The following CDH23 variants were observed in gnomAD, a reference collection of about 807,000 sequenced individuals.
The protein encoded by CDH23 is cadherin related 23.
Under a neutral mutation model 317.1 loss-of-function variants are expected in CDH23, and 189 were observed. That is an observed-to-expected ratio of 0.60 (90% CI 0.53 to 0.67). CDH23 has a LOEUF of 0.67. Ranked by LOEUF, CDH23 falls within the 30% of genes least tolerant of loss-of-function variation. The pLI, the probability that CDH23 is intolerant of heterozygous loss-of-function variation, is 0.00. For synonymous variants in CDH23, 1,839 were observed against 1,876.8 expected (o/e 0.98, Z 0.52); for missense variants, 4,401 against 4,592.4 (o/e 0.96, Z 1.20).
intron 3 of CDH23, among the ~76,000 whole-genome samples, chr10:71,480,697 C>T (rs991015692): frequency 1.1e-4 from 16 of 152,126 alleles, no homozygotes; most frequent in South Asian, 4.1e-4. Context: ...GGTGAGGAAA[C>T]AGATGGGGTC....
chr10:71,726,856 C>T (rs1866834536), intron 30 of CDH23, among the ~76,000 whole-genome samples: 1 of 152,212 alleles, frequency 6.6e-6, no homozygotes, highest in Non-Finnish European at 1.5e-5. Context: ...GTGGTGGGCT[C>T]CTGCCTCCTC....
At chr10:71,513,773 A>G (rs1854123705) in intron 6 of CDH23, among the ~76,000 whole-genome samples, 1 of 152,182 alleles carries the variant, frequency 6.6e-6, no homozygotes. Context: ...AGCCCCTTCC[A>G]GGGCTGACAT....
At chr10:71,656,752 CAGGTGAAAGACCCTG>C (rs1863434131) in intron 14 of CDH23, among the ~76,000 whole-genome samples, 1 of 152,110 alleles carries the variant, frequency 6.6e-6, no homozygotes, top group Non-Finnish European at 1.5e-5. Context: ...GTGAGGGATG[CAGGTGAAAGACCCTG>C]AGCAACAGCC....
Position 71,797,095 on chromosome 10 carries a change from G to C in CDH23, c.6713-9G>C, listed in dbSNP as rs1164441593. 9 of 1,594,304 alleles carry C rather than the reference G, an allele frequency of 5.6e-6. No individual in the cohort carries two copies. Among genetic ancestry groups the C allele is most frequent in the South Asian group, 2.2e-5 (2 of 89,932 alleles). ...TCTCAGGCTGAACCTGGCCTGGTCT[G>C]GTCCACAGGATCTGTAATGGTGAAG... On this transcript the variant is annotated splice_polypyrimidine_tract_variant and intron_variant, in intron 48 of 69. Transcript: ENST00000224721.
intron 1 of CDH23, among the ~76,000 whole-genome samples, chr10:71,411,947 A>G (rs750276661): frequency 1.3e-5 from 2 of 152,204 alleles, no homozygotes; most frequent in Non-Finnish European, 2.9e-5. Flanking sequence ...TACTGTACCC[A>G]TTAAACAGTA....
At chr10:71,533,628 G>C (rs1426888611) in intron 6 of CDH23, among the ~76,000 whole-genome samples, 1 of 151,622 alleles carries the variant, frequency 6.6e-6, no homozygotes, top group Admixed American at 6.6e-5. Context: ...TAAAAGCGTA[G>C]GTGATTAGAG....
chr10:71,770,290 G>A (rs1023671879), intron 38 of CDH23, among the ~76,000 whole-genome samples: 1 of 152,206 alleles, frequency 6.6e-6, no homozygotes, highest in Non-Finnish European at 1.5e-5. Context: ...CAAGGGAGGT[G>A]GTATCATCTT....
intron 7 of CDH23, among the ~76,000 whole-genome samples, chr10:71,569,940 A>G (rs1017890375): frequency 5.9e-5 from 9 of 151,876 alleles, no homozygotes; most frequent in Admixed American, 5.9e-4. Context: ...TCCAGGCTGG[A>G]GTGCAGTGGC....
At chr10:71,553,710 T>C (rs1167451447) in intron 6 of CDH23, among the ~76,000 whole-genome samples, 1 of 152,224 alleles carries the variant, frequency 6.6e-6, no homozygotes, top group Non-Finnish European at 1.5e-5. Context: ...CCTGAGGAGA[T>C]TTGCATATTC....
At chr10:71,402,168 G>A (rs984134879) in intron 1 of CDH23, among the ~76,000 whole-genome samples, 2 of 152,182 alleles carry the variant, frequency 1.3e-5, no homozygotes, top group African/African-American at 2.4e-5. Flanking sequence ...GTGTCACCTC[G>A]ATAATAAATG....
At chr10:71,730,679 GA>G in intron 31 of CDH23, 75 bp downstream of exon 31, 1 of 1,579,934 alleles carries the variant, frequency 6.3e-7, no homozygotes, top group Non-Finnish European at 8.6e-7. Flanking sequence ...CCCCTCCTTC[GA>G]AACGGTCATC....
chr10:71,458,570 A>G (rs1171889147), intron 3 of CDH23, among the ~76,000 whole-genome samples: 3 of 152,204 alleles, frequency 2.0e-5, no homozygotes, highest in Non-Finnish European at 4.4e-5. Flanking sequence ...TTATTGAGCA[A>G]TTCATCTTTA....
chr10:71,670,748 G>T (rs1864109965), intron 14 of CDH23, among the ~76,000 whole-genome samples: 1 of 152,206 alleles, frequency 6.6e-6, no homozygotes, highest in Admixed American at 6.5e-5. Context: ...ATTTTGGGCA[G>T]AGAAGGACAA....
intron 3 of CDH23, among the ~76,000 whole-genome samples, chr10:71,455,584 C>T (rs1264856754): frequency 6.6e-6 from 1 of 152,044 alleles, no homozygotes; most frequent in African/African-American, 2.4e-5. Flanking sequence ...ACAGAAGAGA[C>T]AAAAATCCCT....
In CDH23 at chr10:71,784,410, T is replaced by C. The variant is rs1462887997; in HGVS notation, c.5492T>C (p.Leu1831Pro). The C allele has an allele frequency of 4.3e-6, 7 of 1,613,306 alleles. No individual in the cohort carries two copies. Among genetic ancestry groups the C allele is most frequent in the Non-Finnish European group, 5.9e-6 (7 of 1,179,486 alleles). Residue 1831 changes from leucine to proline, a missense_variant, in exon 42 of 70, where the codon CTC (leucine) becomes CCC (proline). Coordinates refer to ENST00000224721, the MANE Select transcript of CDH23 (RefSeq NM_022124.6). The stretch of plus-strand genomic sequence containing the variant: ...GCCCGTGACCGGGGGATGCCCCCAC[T>C]CAGCTCCACAGTGAGTCTGGGGGCC... ...ICARDRGMPP[L>P]SSTMLVGIRV... is the part of the protein sequence containing the mutation.
At chr10:71,606,924 C>G in intron 9 of CDH23, among the ~76,000 whole-genome samples, 1 of 152,230 alleles carries the variant, frequency 6.6e-6, no homozygotes, top group East Asian at 1.9e-4. Flanking sequence ...AGCAGACTCT[C>G]GGCAGGCTGG....
intron 6 of CDH23, among the ~76,000 whole-genome samples, chr10:71,525,194 A>G (rs934764434): frequency 6.6e-6 from 1 of 152,252 alleles, no homozygotes; most frequent in Non-Finnish European, 1.5e-5. Context: ...GGCGTGAGCC[A>G]CTGTGCCCGG....
intron 3 of CDH23, among the ~76,000 whole-genome samples, chr10:71,478,489 C>G (rs1041809317): frequency 6.6e-6 from 1 of 152,218 alleles, no homozygotes; most frequent in Non-Finnish European, 1.5e-5. Context: ...AGGGAGTTGT[C>G]CCCCTCGGTT....
intron 14 of CDH23, among the ~76,000 whole-genome samples, chr10:71,666,815 A>G (rs1242697822): frequency 5.9e-5 from 9 of 151,870 alleles, no homozygotes; most frequent in Admixed American, 2.0e-4. Flanking sequence ...AGCCACTCCA[A>G]CCCCCCAGAG....
Sources: gnomAD v4.1 joint callset for allele counts (sites outside exome capture counted in the v4.1 genomes callset) on GRCh38, gnomAD v4.1.1 for gene constraint, MANE v1.5 for transcripts, NCBI Gene and HGNC (gene_info 2026-07-23, HGNC 2026-07-21) for gene names.